The following GALNTL6 variants were observed in gnomAD, a reference collection of about 807,000 sequenced individuals.
GALNTL6 encodes polypeptide N-acetylgalactosaminyltransferase-like 6.
GALNTL6 carries 46 observed loss-of-function variants against 73.7 expected under a neutral mutation model. The observed-to-expected ratio is 0.62, with a 90% CI of 0.49 to 0.80. GALNTL6 has a LOEUF of 0.80. Among genes scored for constraint, GALNTL6 ranks in the 30% least tolerant of loss-of-function variants. The pLI, the probability that GALNTL6 is intolerant of heterozygous loss-of-function variation, is 0.00. For missense variants in GALNTL6, 604 were observed against 755.0 expected, an observed-to-expected ratio of 0.80 and a Z score of 2.34; for synonymous variants, 259 against 263.7, an observed-to-expected ratio of 0.98 and a Z score of 0.17.
chr4:173,029,576 G>T (rs28569824), intron 12 of GALNTL6, among the ~76,000 whole-genome samples: 52,957 of 151,972 alleles, frequency 0.35, 9,743 homozygotes, highest in African/African-American at 0.43. Context: ...AGCATGCTTT[G>T]CTGTGAGCAA....
At chr4:172,308,383 G>A (rs971708636) in intron 3 of GALNTL6, among the ~76,000 whole-genome samples, 1 of 151,942 alleles carries the variant, frequency 6.6e-6, no homozygotes, top group African/African-American at 2.4e-5. Flanking sequence ...AGTGGTGAAA[G>A]TGGGCATCCT....
intron 2 of GALNTL6, among the ~76,000 whole-genome samples, chr4:172,207,087 G>A (rs1368612783): frequency 6.6e-6 from 1 of 151,880 alleles, no homozygotes; most frequent in African/African-American, 2.4e-5. Flanking sequence ...AAAGTGCTGG[G>A]ATTACAGGCC....
chr4:171,879,978 C>T (rs1736393814), intron 2 of GALNTL6, among the ~76,000 whole-genome samples: 1 of 152,114 alleles, frequency 6.6e-6, no homozygotes, highest in Admixed American at 6.5e-5. Flanking sequence ...TATTAATAAA[C>T]AACCATTATT....
intron 2 of GALNTL6, among the ~76,000 whole-genome samples, chr4:172,228,992 T>C (rs975142076): frequency 2.0e-5 from 3 of 152,200 alleles, no homozygotes; most frequent in African/African-American, 7.2e-5. Flanking sequence ...GAAATCTAGA[T>C]GAGAGACAGT....
At chr4:173,006,575 C>T (rs1372002993) in intron 10 of GALNTL6, among the ~76,000 whole-genome samples, 1 of 152,154 alleles carries the variant, frequency 6.6e-6, no homozygotes, top group Non-Finnish European at 1.5e-5. Flanking sequence ...TTCACAAATT[C>T]TAGAGAGAAG....
chr4:172,806,253 T>C (rs990613209), intron 5 of GALNTL6, among the ~76,000 whole-genome samples: 3 of 152,166 alleles, frequency 2.0e-5, no homozygotes, highest in East Asian at 1.9e-4. Flanking sequence ...AATTTCAAAC[T>C]AGAAGAACTG....
chr4:172,611,067 A>G (rs553789375), intron 5 of GALNTL6, among the ~76,000 whole-genome samples: 3 of 152,144 alleles, frequency 2.0e-5, no homozygotes, highest in African/African-American at 4.8e-5. Context: ...CTTTGAGCCT[A>G]TGGATGTCAT....
chr4:172,166,078 A>G (rs1907562), intron 2 of GALNTL6, among the ~76,000 whole-genome samples: 64,949 of 152,202 alleles, frequency 0.43, 14,677 homozygotes, highest in African/African-American at 0.57. Context: ...TTTCCTTATA[A>G]ATGCAAATAT....
intron 2 of GALNTL6, among the ~76,000 whole-genome samples, chr4:171,937,479 A>G (rs967568083): frequency 1.3e-4 from 20 of 152,144 alleles, no homozygotes; most frequent in Admixed American, 2.6e-4. Context: ...TGATTTAAGA[A>G]GTTTGTTTTT....
At chr4:172,117,176 A>T (rs945422152) in intron 2 of GALNTL6, among the ~76,000 whole-genome samples, 1 of 152,098 alleles carries the variant, frequency 6.6e-6, no homozygotes, top group African/African-American at 2.4e-5. Context: ...CGTAATTCTA[A>T]CTCTCACATC....
intron 9 of GALNTL6, among the ~76,000 whole-genome samples, chr4:172,941,494 C>T (rs1055466430): frequency 2.0e-4 from 30 of 152,094 alleles, no homozygotes; most frequent in Non-Finnish European, 3.4e-4. Flanking sequence ...GCATTTCAGG[C>T]GGTTATTGAG....
At chr4:172,467,140 AAGAAAACTTTAGCAATATAAAAG>A (rs1470208137) in intron 5 of GALNTL6, among the ~76,000 whole-genome samples, 6 of 152,236 alleles carry the variant, frequency 3.9e-5, no homozygotes, top group African/African-American at 1.4e-4. Flanking sequence ...AGCTAACTAG[AAGAAAACTTTAGCAATATAAAAG>A]AGAAAAGGCC....
chr4:172,002,078 T>G (rs1041439943), intron 2 of GALNTL6, among the ~76,000 whole-genome samples: 8 of 152,144 alleles, frequency 5.3e-5, no homozygotes, highest in African/African-American at 1.9e-4. Flanking sequence ...GAAGGTGAAT[T>G]TCTCACAGAG....
At chr4:172,450,988 T>G (rs1732187580) in intron 5 of GALNTL6, among the ~76,000 whole-genome samples, 1 of 152,240 alleles carries the variant, frequency 6.6e-6, no homozygotes, top group Non-Finnish European at 1.5e-5. Context: ...TATGATAATG[T>G]GTGCTCTGGA....
At chr4:172,077,720 G>T (rs1731743355) in intron 2 of GALNTL6, among the ~76,000 whole-genome samples, 2 of 152,150 alleles carry the variant, frequency 1.3e-5, no homozygotes, top group South Asian at 4.1e-4. Context: ...CTATTTTCTA[G>T]GGAGAAATTC....
intron 2 of GALNTL6, among the ~76,000 whole-genome samples, chr4:172,121,637 T>G (rs1733153185): frequency 6.6e-6 from 1 of 152,132 alleles, no homozygotes; most frequent in South Asian, 2.1e-4. Context: ...AAAACTTTCT[T>G]ATCTACATTT....
At chr4:172,719,306 G>A (rs1735308179) in intron 5 of GALNTL6, among the ~76,000 whole-genome samples, 2 of 152,044 alleles carry the variant, frequency 1.3e-5, no homozygotes, top group Admixed American at 6.6e-5. Flanking sequence ...AGAAAAACCC[G>A]AGTTTTAATC....
At chr4:172,010,690 A>T (rs1427572710) in intron 2 of GALNTL6, among the ~76,000 whole-genome samples, 2 of 152,096 alleles carry the variant, frequency 1.3e-5, no homozygotes, top group African/African-American at 4.8e-5. Context: ...TACTTTCCAC[A>T]AGTCAGTAGC....
chr4:172,406,976 T>A (rs779239423), intron 5 of GALNTL6, among the ~76,000 whole-genome samples: 15 of 152,024 alleles, frequency 9.9e-5, no homozygotes, highest in Non-Finnish European at 1.8e-4. Flanking sequence ...ACAGAAATCA[T>A]CTGATATCTA....
Sources: allele counts gnomAD v4.1 joint callset (sites outside exome capture counted in the v4.1 genomes callset), GRCh38; gene constraint gnomAD v4.1.1; transcripts MANE v1.5; gene names NCBI Gene and HGNC (gene_info 2026-07-23, HGNC 2026-07-21).